TOPORS: variants seen among roughly 807,000 people sequenced by gnomAD.
TOPORS encodes TOP1 binding arginine/serine rich protein, E3 ubiquitin ligase.
In TOPORS, 25 loss-of-function variants were observed where a neutral mutation model predicts 81.4. The observed-to-expected ratio is 0.31, with a 90% CI of 0.22 to 0.43. The LOEUF (loss-of-function observed/expected upper bound fraction) is 0.43. Ranked by LOEUF, TOPORS falls within the 20% of genes least tolerant of loss-of-function variation. The pLI is 1.00. For synonymous variants in TOPORS, 473 were observed against 456.6 expected, an observed-to-expected ratio of 1.04 and a Z score of -0.46; for missense variants, 1,101 against 1,267.0, an observed-to-expected ratio of 0.87 and a Z score of 1.99.
In TOPORS at chr9:32,543,292, A is replaced by G; in HGVS notation, c.1233T>C (p.Val411=). Residue 411 remains valine (V), a synonymous_variant, in exon 3 of 3, where the codon GTT becomes GTC. Coordinates refer to ENST00000360538, the MANE Select transcript of TOPORS (RefSeq NM_005802.5). This position sits in a 1 kb window ranked among gnomAD's most constrained non-coding sequence, Gnocchi z 5.6. ...TQELDINVAT[V]SQAPWDDETP... ...TTTCATCATCCCATGGTGCCTGACT[A>G]ACAGTGGCTACATTAATATCCAGCT... The G allele has an allele frequency of 6.2e-7, 1 of 1,614,038 alleles. No homozygotes were observed. Among genetic ancestry groups the G allele is most frequent in the Non-Finnish European group, 8.5e-7 (1 of 1,180,012 alleles).
rs964629150 is a variant in TOPORS, at chr9:32,550,644, C to T, written c.198+130G>A. The T allele has an allele frequency of 8.6e-6, 9 of 1,048,100 alleles. No homozygotes were observed. In the African/African-American group the frequency reaches 1.3e-4, roughly 15 times the overall value. The allele number at this position is 1,048,100 out of a possible 1,614,324, so 64.9% of individuals were successfully genotyped here. A position where few individuals can be genotyped will look rare whatever the true frequency, so the allele number is the denominator to read the frequency against. On this transcript the variant is annotated intron_variant, in intron 2 of 2. Coordinates refer to ENST00000360538, the MANE Select transcript of TOPORS (RefSeq NM_005802.5). ...GCCGCTCGGGGGCCCTGGCCCTGGC[C>T]CGCCGAGGCCCGGACAGCCCCGCAG...
At position 32,550,893 on chromosome 9, in the gene TOPORS, C is replaced by G. The variant is rs765372018; in HGVS notation, c.79G>C (p.Gly27Arg). 11 of 1,613,090 alleles carry G rather than the reference C, an allele frequency of 6.8e-6. No homozygotes were observed. In the South Asian group the frequency reaches 8.8e-5, roughly 13 times the overall value. The change falls in exon 2 of 3, where the codon GGT (glycine) becomes CGT (arginine). Residue 27 changes from glycine (G) to arginine (R), a missense_variant. By Grantham distance (125) the Gly-to-Arg change is moderately radical (BLOSUM62 -2). Transcript: ENST00000360538. Reference protein sequence around the residue: ...EAPPPAPASEGRRRSRRVRLR... With the variant: ...EAPPPAPASERRRRSRRVRLR... The stretch of plus-strand genomic sequence containing the variant: ...CGTACCCGGCGACTTCTCCGCCTAC[C>G]CTCCGAAGCGGGAGCAGGCGGGGGC...
In TOPORS at chr9:32,543,446, CG is replaced by C; in HGVS notation, c.1078del (p.Arg360AspfsTer33). 6.2e-7 allele frequency: 1 copy of C among 1,613,712 alleles called. No homozygotes were observed. Among genetic ancestry groups the C allele is most frequent in the Non-Finnish European group, 8.5e-7 (1 of 1,179,910 alleles). On this transcript the variant is annotated frameshift_variant, in exon 3 of 3. Transcript: ENST00000360538. LOFTEE classifies it high-confidence loss of function. This position sits in a 1 kb window ranked among gnomAD's most constrained non-coding sequence, Gnocchi z 5.6. Reference sequence around the variant, plus strand: ...AAAGGCTGCCATGTTAAAAGGAGATCGGGCAAAACTGATAAATTCATGTATA... The same window carrying C: ...AAAGGCTGCCATGTTAAAAGGAGATCGGCAAAACTGATAAATTCATGTATA... ...HFIHEFISFARSPFNMAAFDQ... is the reference protein window; with the variant it reads ...HFIHEFISFAXSPFNMAAFDQ...
In TOPORS at chr9:32,542,957, C is replaced by T. The variant is rs1408532034; in HGVS notation, c.1568G>A (p.Ser523Asn). 2 of 1,614,148 alleles carry T rather than the reference C, an allele frequency of 1.2e-6. No homozygotes were observed. Among genetic ancestry groups the T allele is most frequent in the Admixed American group, 1.7e-5 (1 of 60,022 alleles). Reference sequence around the variant, plus strand: ...TCTACTAACATCGCTATCACCAGAACTGTAAGATTGCTCCTGTTCTTGTGT... The same window carrying T: ...TCTACTAACATCGCTATCACCAGAATTGTAAGATTGCTCCTGTTCTTGTGT... ...VKTQEQEQSY[S>N]SGDSDVSRCS... The change falls in exon 3 of 3, where the codon AGT becomes AAT. Residue 523 changes from serine to asparagine, a missense_variant. Transcript: ENST00000360538.
At chr9:32,549,654 G>A (rs1369168885) in intron 2 of TOPORS, among the ~76,000 whole-genome samples, 2 of 152,088 alleles carry the variant, frequency 1.3e-5, no homozygotes, top group African/African-American at 2.4e-5. Flanking sequence ...GATTATATGG[G>A]TCCAGACAGA....
intron 2 of TOPORS, among the ~76,000 whole-genome samples, chr9:32,545,847 G>A (rs937095338): frequency 6.6e-6 from 1 of 152,104 alleles, no homozygotes; most frequent in Non-Finnish European, 1.5e-5. Flanking sequence ...TATCACAGGA[G>A]GTTCCATCAC....
chr9:32,542,848 CTTT>C lies in TOPORS; in HGVS notation c.1674_1676del (p.Lys560del), dbSNP rs757576579. 45 of 1,613,932 alleles carry C rather than the reference CTTT, an allele frequency of 2.8e-5. No individual in the cohort carries two copies. The highest frequency in any genetic ancestry group is 4.2e-6 in the Non-Finnish European group (5 of 1,180,012). On this transcript the variant is annotated inframe_deletion, in exon 3 of 3. Transcript: ENST00000360538. ...ATGATGTAGATCGTTTCTCTTCCTT[CTTT>C]GATTTGATTCTTGTACTAGAATCAC...
At chr9:32,545,283 AAT>A (rs1180164294) in intron 2 of TOPORS, among the ~76,000 whole-genome samples, 1 of 151,970 alleles carries the variant, frequency 6.6e-6, no homozygotes, top group Non-Finnish European at 1.5e-5. Context: ...AATATCTTGA[AAT>A]CATGTTTTTG....
In TOPORS at chr9:32,547,895, G is replaced by A. The variant is rs1821160938; in HGVS notation, c.198+2879C>T. The stretch of plus-strand genomic sequence containing the variant: ...CGCCCAGGCTGGAATGCAGTGGCGC[G>A]ATCGTGGCTCACTGCAAGCTCCGCC... On this transcript the variant is annotated intron_variant, in intron 2 of 2. Transcript: ENST00000360538. Among the ~76,000 whole-genome samples, 6 of 151,574 alleles carry A rather than the reference G, an allele frequency of 4.0e-5. No homozygotes were observed. In the South Asian group the frequency reaches 1.0e-3, roughly 26 times the overall value.
At position 32,544,009 on chromosome 9, in the gene TOPORS, G is replaced by A; in HGVS notation, c.516C>T (p.Val172=). 3 of 1,614,150 alleles carry A rather than the reference G, an allele frequency of 1.9e-6. No individual in the cohort carries two copies. The highest frequency in any genetic ancestry group is 8.5e-7 in the Non-Finnish European group (1 of 1,180,024). The change falls in exon 3 of 3, where the codon GTC becomes GTT. Residue 172 remains valine (V), a synonymous_variant. Coordinates refer to ENST00000360538, the MANE Select transcript of TOPORS (RefSeq NM_005802.5). The part of the protein sequence containing the change: ...VLRPSYNGSF[V]TPDRRFRYRT... ...GGTAGCGAAATCGTCGATCAGGGGT[G>A]ACAAAAGAACCATTATACGAAGGCC...
chr9:32,552,444 G>GT lies in TOPORS; in HGVS notation c.-9dup. On this transcript the variant is annotated 5_prime_UTR_variant, in exon 1 of 3. Coordinates refer to ENST00000360538, the MANE Select transcript of TOPORS (RefSeq NM_005802.5). The stretch of plus-strand genomic sequence containing the variant: ...CTGCCGCCTCCTTACCATGAAGCCA[G>GT]TAAGTCGTCGCACGCTGGACTGGAT... The GT allele has an allele frequency of 6.2e-7, 1 of 1,607,036 alleles. No homozygotes were observed. The highest frequency in any genetic ancestry group is 8.5e-7 in the Non-Finnish European group (1 of 1,177,150).
intron 2 of TOPORS, among the ~76,000 whole-genome samples, chr9:32,548,324 G>A (rs1821169482): frequency 6.6e-6 from 1 of 151,262 alleles, no homozygotes; most frequent in Non-Finnish European, 1.5e-5. Context: ...GGGAGTTCGA[G>A]ACCAGCCTGA....
At chr9:32,551,298 G>T in intron 1 of TOPORS, 1 of 485,470 alleles carries the variant, frequency 2.1e-6, no homozygotes, top group Admixed American at 3.3e-5. Context: ...CAAACTCTGC[G>T]GAAACTTAGG....
rs1821084394 is a variant in TOPORS, at chr9:32,542,624, C to T, written c.1901G>A (p.Ser634Asn). Residue 634 changes from serine (S) to asparagine (N), a missense_variant, in exon 3 of 3, where the codon AGT becomes AAT. By Grantham distance (46) the Ser-to-Asn change is conservative. This residue lies in a region of TOPORS where 605 missense variants were observed against 636.1 expected (regional missense o/e 0.95). Transcript: ENST00000360538. ...MKSKRSRSRE[S>N]SRPRGRRDKK... Reference sequence around the variant, plus strand: ...GTCTCTTCTCCCTCTAGGTCTGCTACTTTCCCTGCTTCTGGATCGTTTACT... The same window carrying T: ...GTCTCTTCTCCCTCTAGGTCTGCTATTTTCCCTGCTTCTGGATCGTTTACT... 1.9e-6 allele frequency: 3 copies of T among 1,614,116 alleles called. No homozygotes were observed. The highest frequency in any genetic ancestry group is 2.5e-6 in the Non-Finnish European group (3 of 1,180,012).
chr9:32,549,238 C>G (rs933591380), intron 2 of TOPORS, among the ~76,000 whole-genome samples: 1 of 152,020 alleles, frequency 6.6e-6, no homozygotes, highest in Non-Finnish European at 1.5e-5. Flanking sequence ...ACCTGGCAGG[C>G]GGAGCTTGCA....
At chr9:32,545,784 C>T (rs1045872948) in intron 2 of TOPORS, among the ~76,000 whole-genome samples, 2 of 152,090 alleles carry the variant, frequency 1.3e-5, no homozygotes, top group Non-Finnish European at 2.9e-5. Context: ...CAACAAAAAA[C>T]TACTAGGCCC....
Position 32,541,476 on chromosome 9 carries a change from A to G in TOPORS, c.3049T>C (p.Ser1017Pro), listed in dbSNP as rs1306021310. ...TGCCTTGATGGCTCAGTTTGAAGAG[A>G]CACAATGTTACTGGGCTGGTTCTCC... ...DLENQPSNIV[S>P]LQTEPSRQLP... Residue 1017 changes from serine (S) to proline (P), a missense_variant, in exon 3 of 3, where the codon TCT becomes CCT. Ser to Pro is a moderately conservative substitution (Grantham distance 74). Transcript: ENST00000360538. The G allele has an allele frequency of 6.2e-6, 10 of 1,614,220 alleles. No homozygotes were observed. Among genetic ancestry groups the G allele is most frequent in the Non-Finnish European group, 7.6e-6 (9 of 1,180,032 alleles).
rs1821227169 is a variant in TOPORS, at chr9:32,550,778, G to A, written c.194C>T (p.Ser65Phe). 6.2e-7 allele frequency: 1 copy of A among 1,612,926 alleles called. No homozygotes were observed. The highest frequency in any genetic ancestry group is 8.5e-7 in the Non-Finnish European group (1 of 1,179,694). The change falls in exon 2 of 3, where the codon TCC becomes TTC. Residue 65 changes from serine (S) to phenylalanine (F), a missense_variant. By Grantham distance (155) the Ser-to-Phe change is radical (BLOSUM62 -2). This residue lies in a region of TOPORS where 131 missense variants were observed against 101.0 expected (regional missense o/e 1.30). Coordinates refer to ENST00000360538, the MANE Select transcript of TOPORS (RefSeq NM_005802.5). ...SAPARPAPAS[S>F]EIMASAAKEF... ...ATTGTTCCGAATCTCACTCACCTCG[G>A]AGGATGCCGGCGCAGGCCTGGCTGG...
chr9:32,547,967 T>C lies in TOPORS; in HGVS notation c.198+2807A>G, dbSNP rs563913558. 7.4e-5 allele frequency among the ~76,000 whole-genome samples: 11 copies of C among 149,102 alleles called. 1 individual carries two copies. In the South Asian group the frequency reaches 2.4e-3, roughly 32 times the overall value. ...CTGCCTCAGCCTTCCCAGTAGTAGC[T>C]GGGATTACAGGCGCCCGCCACCACG... On this transcript the variant is annotated intron_variant, in intron 2 of 2. Transcript: ENST00000360538.
Sources: gnomAD v4.1 joint callset for allele counts (sites outside exome capture counted in the v4.1 genomes callset) on GRCh38, gnomAD v4.1.1 for gene constraint, gnomAD v4.1.1 regional missense constraint, Gnocchi (gnomAD v3.1) non-coding constraint, MANE v1.5 for transcripts, NCBI Gene and HGNC (gene_info 2026-07-23, HGNC 2026-07-21) for gene names.